Variants in ABR observed in about 807,000 individuals in gnomAD.
ABR encodes the protein ABR activator of RhoGEF and GTPase.
A neutral mutation model predicts 107.2 loss-of-function variants in ABR; 35 were observed. The observed-to-expected ratio is 0.33, with a 90% confidence interval of 0.25 to 0.43. The LOEUF (loss-of-function observed/expected upper bound fraction) is 0.43, where lower values mean the gene tolerates loss of function less well. Among genes scored for constraint, ABR ranks in the 20% least tolerant of loss-of-function variants. The pLI is 1.00. For missense variants in ABR, 815 were observed against 1,115.2 expected (o/e 0.73, Z 3.83); for synonymous variants, 498 against 462.0 (o/e 1.08, Z -1.00).
At chr17:1,020,126 C>G (rs529617848) in intron 16 of ABR, among the ~76,000 whole-genome samples, 1 of 152,316 alleles carries the variant, frequency 6.6e-6, no homozygotes, top group Admixed American at 6.5e-5. Flanking sequence ...CTCTGTCGCC[C>G]AGGCTGGAGT....
chr17:1,101,676 G>A (rs1462461889), intron 2 of ABR, among the ~76,000 whole-genome samples: 1 of 151,942 alleles, frequency 6.6e-6, no homozygotes, highest in Non-Finnish European at 1.5e-5. Context: ...ATGGGAAACA[G>A]ACAGTGGCCC....
chr17:1,086,329 A>G (rs1407977621), intron 4 of ABR, among the ~76,000 whole-genome samples: 2 of 152,172 alleles, frequency 1.3e-5, no homozygotes, highest in East Asian at 3.9e-4. Flanking sequence ...AAATGCTCAC[A>G]AACGGGGGAA....
At chr17:1,112,658 G>A (rs998477896) in intron 2 of ABR, among the ~76,000 whole-genome samples, 1 of 108,124 alleles carries the variant, frequency 9.2e-6, no homozygotes, top group East Asian at 2.8e-4. Context: ...GTTAAGAAGC[G>A]CTGCTTGCTA....
rs539776296 is a variant in ABR at position 1,037,287 on chromosome 17, G to C, written c.1791+12763C>G. Among the ~76,000 whole-genome samples the C allele has an allele frequency of 6.6e-6, 1 of 152,196 alleles. No individual in the cohort carries two copies. The highest frequency in any genetic ancestry group is 1.5e-5 in the Non-Finnish European group (1 of 68,032). ...TCCCAACTCCCCAAAGGCCTGTGCC[G>C]GCTCATAGGGCAGTCCCGAGTACGT... On this transcript the variant is annotated intron_variant, in intron 16 of 22. Transcript: ENST00000302538. The surrounding 1 kb of genome is among the most constrained non-coding windows in gnomAD (Gnocchi z 4.6).
chr17:1,184,238 G>A (rs549505817), upstream of ABR, among the ~76,000 whole-genome samples: 99 of 151,812 alleles, frequency 6.5e-4, no homozygotes, highest in African/African-American at 2.3e-3. Flanking sequence ...GGTGGATCAC[G>A]AAGTCAGGAG....
intron 16 of ABR, among the ~76,000 whole-genome samples, chr17:1,030,827 CTG>C (rs1425814262): frequency 6.6e-6 from 1 of 152,260 alleles, no homozygotes; most frequent in Admixed American, 6.5e-5. Flanking sequence ...GACTGGCACT[CTG>C]AGACAGCTAA....
chr17:1,223,414 A>G (rs1378740071), intron 1 of ABR, among the ~76,000 whole-genome samples: 1 of 151,922 alleles, frequency 6.6e-6, no homozygotes, highest in Non-Finnish European at 1.5e-5. Context: ...CTTCGTAACT[A>G]TCCTGAGAGG....
At chr17:1,101,892 C>T (rs1481531758) in intron 2 of ABR, among the ~76,000 whole-genome samples, 2 of 152,072 alleles carry the variant, frequency 1.3e-5, no homozygotes, top group East Asian at 1.9e-4. Flanking sequence ...CGCCACCACG[C>T]CCAGCTAACT....
At chr17:1,025,256 A>G (rs1369847920) in intron 16 of ABR, among the ~76,000 whole-genome samples, 1 of 152,238 alleles carries the variant, frequency 6.6e-6, no homozygotes, top group East Asian at 1.9e-4. Flanking sequence ...AGATCGCGCC[A>G]TTGCACTCCA....
intron 3 of ABR, among the ~76,000 whole-genome samples, chr17:1,099,922 GT>G (rs767092098): frequency 3.0e-4 from 46 of 152,252 alleles, no homozygotes; most frequent in Non-Finnish European, 5.7e-4. Flanking sequence ...GAGGTCAGGA[GT>G]TGGAAACCAG....
chr17:1,005,390 T>A lies in ABR; in HGVS notation c.*690A>T, dbSNP rs2069944568. ...GTGCTAAGCTGGGGACGAGTGTGAG[T>A]GTGTCTGCTTGTCCAACATTTGCAC... On this transcript the variant is annotated 3_prime_UTR_variant, in exon 23 of 23. Coordinates refer to ENST00000302538, the MANE Select transcript of ABR (RefSeq NM_021962.5). The A allele has an allele frequency of 8.0e-6, 3 of 376,496 alleles. No homozygotes were observed. In the East Asian group the frequency reaches 1.1e-4, roughly 14 times the overall value. 23.3% of individuals were successfully genotyped at this position (376,496 alleles called of 1,614,324 possible). A position where few individuals can be genotyped will look rare whatever the true frequency, so the allele number is the denominator to read the frequency against.
intron 4 of ABR, among the ~76,000 whole-genome samples, chr17:1,088,493 A>G (rs1006534812): frequency 2.1e-5 from 3 of 146,192 alleles, no homozygotes; most frequent in African/African-American, 5.0e-5. Flanking sequence ...TAATAATAAT[A>G]ATGGCACTGA....
At position 1,050,233 on chromosome 17, in the gene ABR, G is replaced by A. The variant is rs2032307703; in HGVS notation, c.1660-52C>T. On this transcript the variant is annotated intron_variant, in intron 15 of 22. Coordinates refer to ENST00000302538, the MANE Select transcript of ABR (RefSeq NM_021962.5). This position sits in a 1 kb window ranked among gnomAD's most constrained non-coding sequence, Gnocchi z 4.6. ...TGAACCTCCGAAGCTGGGAGGCCTG[G>A]CTTTCCGGCAGGTGCGTGCCTCAGC... 1.9e-6 allele frequency: 3 copies of A among 1,579,192 alleles called. No individual in the cohort carries two copies. The South Asian group carries it at 3.5e-5, about 18-fold the overall frequency.
intron 16 of ABR, among the ~76,000 whole-genome samples, chr17:1,023,119 A>AGAGCCCCTGCCGGCCCCACGTCCACTC (rs1167753663): frequency 2.0e-5 from 2 of 98,986 alleles, no homozygotes; most frequent in Non-Finnish European, 4.4e-5. Flanking sequence ...CACGTCCACT[A>AGAGCCCCTGCCGGCCCCACGTCCACTC]CAGCGCCTCT....
intron 1 of ABR, among the ~76,000 whole-genome samples, chr17:1,195,187 GT>G (rs1480189208): frequency 1.4e-5 from 2 of 147,756 alleles, no homozygotes; most frequent in Non-Finnish European, 3.0e-5. Flanking sequence ...GGCGCCTGTA[GT>G]CCCAGCTACT....
At chr17:1,093,790 A>G (rs956017001) in intron 3 of ABR, among the ~76,000 whole-genome samples, 4 of 152,102 alleles carry the variant, frequency 2.6e-5, no homozygotes, top group Non-Finnish European at 2.9e-5. Flanking sequence ...CTACTCAGAT[A>G]TATCGCCTCA....
At chr17:1,111,643 G>T (rs1162999235) in intron 2 of ABR, among the ~76,000 whole-genome samples, 1 of 152,218 alleles carries the variant, frequency 6.6e-6, no homozygotes, top group East Asian at 1.9e-4. Context: ...GCCCTCAGCT[G>T]CCCTGTTGAT....
At chr17:1,072,529 C>A (rs2035324079) in intron 8 of ABR, 85 bp downstream of exon 8, 1 of 1,241,962 alleles carries the variant, frequency 8.1e-7, no homozygotes, top group East Asian at 2.8e-5. Flanking sequence ...GGACGAGGGA[C>A]CTGCCGCCCG....
In ABR at chr17:1,013,172, G is replaced by A; in HGVS notation, c.1792-8C>T. On this transcript the variant is annotated splice_region_variant and splice_polypyrimidine_tract_variant and intron_variant, in intron 16 of 22. Transcript: ENST00000302538. ...CACGGTTTGTGGGTCCAGCTGCAGA[G>A]AGAGAATGTGGGTGAGAGAGGTGCC... 2 of 1,614,032 alleles carry A rather than the reference G, an allele frequency of 1.2e-6. No individual in the cohort carries two copies. The highest frequency in any genetic ancestry group is 1.1e-5 in the South Asian group (1 of 91,088).
Sources: allele counts gnomAD v4.1 joint callset (sites outside exome capture counted in the v4.1 genomes callset), GRCh38; gene constraint gnomAD v4.1.1; non-coding constraint Gnocchi (gnomAD v3.1); transcripts MANE v1.5; gene names NCBI Gene and HGNC (gene_info 2026-07-23, HGNC 2026-07-21).